Variants in HTR1F observed in about 807,000 individuals in gnomAD.
HTR1F encodes the protein 5-hydroxytryptamine receptor 1F.
HTR1F carries 17 observed loss-of-function variants against 24.0 expected under a neutral mutation model. That is an observed-to-expected ratio of 0.71 (90% confidence interval 0.48 to 1.06). The LOEUF (loss-of-function observed/expected upper bound fraction) is 1.06, where lower values mean the gene tolerates loss of function less well. HTR1F is among the 50% of genes least tolerant of loss of function. The pLI is 0.00. For missense variants in HTR1F, 391 were observed against 427.8 expected, an observed-to-expected ratio of 0.91 and a Z score of 0.76; for synonymous variants, 186 against 156.8, an observed-to-expected ratio of 1.19 and a Z score of -1.39.
At chr3:87,932,570 A>T (rs1704306504) in intron 2 of HTR1F, among the ~76,000 whole-genome samples, 1 of 152,108 alleles carries the variant, frequency 6.6e-6, no homozygotes, top group African/African-American at 2.4e-5. Flanking sequence ...AGTTTTTTCC[A>T]ATTCTGTGAA....
At chr3:87,952,862 C>T (rs1441795190) in intron 2 of HTR1F, among the ~76,000 whole-genome samples, 2 of 151,210 alleles carry the variant, frequency 1.3e-5, no homozygotes, top group East Asian at 1.9e-4. Flanking sequence ...TTTTTTCTCA[C>T]GCTAATTACA....
At chr3:87,939,906 CT>C (rs1267208227) in intron 2 of HTR1F, among the ~76,000 whole-genome samples, 2 of 152,068 alleles carry the variant, frequency 1.3e-5, no homozygotes, top group Non-Finnish European at 2.9e-5. Context: ...CTTCTGCTAG[CT>C]TTTGAATTTG....
chr3:87,833,828 G>A (rs1457198731), intron 2 of HTR1F, among the ~76,000 whole-genome samples: 1 of 151,642 alleles, frequency 6.6e-6, no homozygotes, highest in African/African-American at 2.4e-5. Context: ...TTTTTTTTAA[G>A]TCCTTCTTAT....
intron 2 of HTR1F, among the ~76,000 whole-genome samples, chr3:87,925,612 A>C (rs544826138): frequency 9.2e-5 from 14 of 152,272 alleles, no homozygotes; most frequent in Middle Eastern, 3.4e-3. Flanking sequence ...CTCAAAATAA[A>C]GTCATGCCAT....
At chr3:87,802,484 C>G (rs1359998108) in intron 1 of HTR1F, among the ~76,000 whole-genome samples, 1 of 151,756 alleles carries the variant, frequency 6.6e-6, no homozygotes, top group African/African-American at 2.4e-5. Flanking sequence ...GCTAGAACTA[C>G]AGGCCTGCAC....
intron 2 of HTR1F, among the ~76,000 whole-genome samples, chr3:87,941,875 G>A (rs1704577435): frequency 6.6e-6 from 1 of 152,030 alleles, no homozygotes; most frequent in Non-Finnish European, 1.5e-5. Context: ...ACTGTCCATT[G>A]GGTTTCTGTA....
chr3:87,846,111 A>T (rs1324369653), intron 2 of HTR1F, among the ~76,000 whole-genome samples: 3 of 148,950 alleles, frequency 2.0e-5, no homozygotes, highest in Non-Finnish European at 2.9e-5. Flanking sequence ...ACAGATAATT[A>T]AAAAAACACA....
chr3:87,848,587 T>G (rs73145268), intron 2 of HTR1F, among the ~76,000 whole-genome samples: 1 of 151,880 alleles, frequency 6.6e-6, no homozygotes, highest in Non-Finnish European at 1.5e-5. Flanking sequence ...GTACAAGATG[T>G]TTAGAATTAC....
intron 2 of HTR1F, among the ~76,000 whole-genome samples, chr3:87,936,227 A>C (rs1481084511): frequency 4.6e-5 from 7 of 152,244 alleles, no homozygotes; most frequent in Non-Finnish European, 7.3e-5. Flanking sequence ...TACTTTGAGA[A>C]GTTTTACACA....
intron 2 of HTR1F, among the ~76,000 whole-genome samples, chr3:87,970,211 A>G (rs1392993096): frequency 6.6e-6 from 1 of 152,194 alleles, no homozygotes; most frequent in African/African-American, 2.4e-5. Flanking sequence ...GAGTTAATTA[A>G]CCAAGTGGTT....
Position 87,991,631 on chromosome 3 carries a change from C to T in HTR1F, c.882C>T (p.Thr294=). The T allele has an allele frequency of 6.2e-7, 1 of 1,613,698 alleles. No homozygotes were observed. The highest frequency in any genetic ancestry group is 8.5e-7 in the Non-Finnish European group (1 of 1,179,842). ...CAAGAGAACGGAAAGCAGCCACTAC[C>T]CTGGGATTAATCTTGGGTGCATTTG... ...SGTRERKAAT[T]LGLILGAFVI... is the part of the protein sequence containing the mutation. The change falls in exon 3 of 3, where the codon ACC becomes ACT. Residue 294 remains threonine (T), a synonymous_variant. Coordinates refer to ENST00000319595, the MANE Select transcript of HTR1F (RefSeq NM_001322209.2).
chr3:87,984,418 T>C (rs1261681131), intron 2 of HTR1F, among the ~76,000 whole-genome samples: 2 of 151,686 alleles, frequency 1.3e-5, no homozygotes, highest in African/African-American at 4.8e-5. Flanking sequence ...GGATAGATTT[T>C]TCTTGGTGGT....
chr3:87,935,041 A>T (rs754415610), intron 2 of HTR1F, among the ~76,000 whole-genome samples: 2 of 152,020 alleles, frequency 1.3e-5, no homozygotes, highest in Non-Finnish European at 2.9e-5. Flanking sequence ...AATTTTCTTC[A>T]TTTGTTTGTA....
intron 2 of HTR1F, among the ~76,000 whole-genome samples, chr3:87,912,427 A>C (rs1703798516): frequency 6.6e-6 from 1 of 152,102 alleles, no homozygotes; most frequent in Non-Finnish European, 1.5e-5. Flanking sequence ...GAGATGATAC[A>C]AACAAATGGA....
intron 1 of HTR1F, among the ~76,000 whole-genome samples, chr3:87,817,446 G>T (rs1453853838): frequency 6.6e-6 from 1 of 152,144 alleles, no homozygotes; most frequent in Non-Finnish European, 1.5e-5. Context: ...ATACAAAGTT[G>T]ATATTCAATT....
At chr3:87,868,741 C>A (rs889700885) in intron 2 of HTR1F, among the ~76,000 whole-genome samples, 2 of 151,788 alleles carry the variant, frequency 1.3e-5, no homozygotes, top group African/African-American at 2.4e-5. Flanking sequence ...TTATTATTTC[C>A]ATTTTTTTCT....
At chr3:87,929,930 GA>G (rs1320956457) in intron 2 of HTR1F, among the ~76,000 whole-genome samples, 5 of 152,164 alleles carry the variant, frequency 3.3e-5, no homozygotes, top group Admixed American at 3.3e-4. Flanking sequence ...TTCTACCCAT[GA>G]GCATGAAATG....
intron 2 of HTR1F, among the ~76,000 whole-genome samples, chr3:87,869,436 CATAGATAGATAGATAGATGATAGATAG>C (rs1705504711): frequency 8.5e-6 from 1 of 117,050 alleles, no homozygotes; most frequent in Non-Finnish European, 1.8e-5. Context: ...TAGATAGATA[CATAGATAGATAGATAGATGATAGATAG>C]ATAGATAGAT....
chr3:87,924,073 A>G (rs2107384554), intron 2 of HTR1F, among the ~76,000 whole-genome samples: 1 of 152,190 alleles, frequency 6.6e-6, no homozygotes. Flanking sequence ...TATTGGTAGT[A>G]GTTCTCCTTT....
Sources: allele counts gnomAD v4.1 joint callset (sites outside exome capture counted in the v4.1 genomes callset), GRCh38; gene constraint gnomAD v4.1.1; transcripts MANE v1.5; gene names NCBI Gene and HGNC (gene_info 2026-07-23, HGNC 2026-07-21).